Variants in GPD2 observed in about 807,000 individuals in gnomAD.
The protein encoded by GPD2 is glycerol-3-phosphate dehydrogenase, mitochondrial.
Under a neutral mutation model 82.4 loss-of-function variants are expected in GPD2, and 54 were observed. The observed-to-expected ratio is 0.66, with a 90% CI of 0.53 to 0.82. The LOEUF (loss-of-function observed/expected upper bound fraction) is 0.82, where lower values mean the gene tolerates loss of function less well. Ranked by LOEUF, GPD2 falls within the 40% of genes least tolerant of loss-of-function variation. The pLI is 0.00. For missense variants in GPD2, 748 were observed against 896.2 expected (o/e 0.83, Z 2.11); for synonymous variants, 288 against 306.1 (o/e 0.94, Z 0.62).
At chr2:156,543,197 A>G (rs1416850163) in intron 6 of GPD2, among the ~76,000 whole-genome samples, 5 of 152,164 alleles carry the variant, frequency 3.3e-5, no homozygotes, top group Admixed American at 3.3e-4. Context: ...GTAGAGAGAT[A>G]ATAGTCCCCC....
chr2:156,575,939 A>G (rs988987646), intron 13 of GPD2, among the ~76,000 whole-genome samples: 1 of 152,352 alleles, frequency 6.6e-6, no homozygotes, highest in East Asian at 1.9e-4. Context: ...GATGGCATGC[A>G]TCTTTGATGT....
In GPD2 at chr2:156,529,007, C is replaced by G. The variant is rs992428037; in HGVS notation, c.661+15511C>G. Among the ~76,000 whole-genome samples, 44 of 151,566 alleles carry G rather than the reference C, an allele frequency of 2.9e-4. 1 individual carries two copies. Among genetic ancestry groups the G allele is most frequent in the Admixed American group, 8.5e-4 (13 of 15,210 alleles). ...TTCTAGTTCTAGATCCCTGAGGAATCGCCACACTGACTTCCACAATGGTTG... is the reference window on the plus strand; with the variant it reads ...TTCTAGTTCTAGATCCCTGAGGAATGGCCACACTGACTTCCACAATGGTTG... On this transcript the variant is annotated intron_variant, in intron 6 of 16. Transcript: ENST00000438166.
chr2:156,442,791 C>G (rs565394429), intron 1 of GPD2, among the ~76,000 whole-genome samples: 1 of 151,966 alleles, frequency 6.6e-6, no homozygotes, highest in Admixed American at 6.6e-5. Flanking sequence ...AGAGCAAGAC[C>G]CTGTCTCAAA....
chr2:156,439,865 T>TAAATAAAA, intron 1 of GPD2, among the ~76,000 whole-genome samples: 1 of 151,408 alleles, frequency 6.6e-6, no homozygotes, highest in African/African-American at 2.4e-5. Flanking sequence ...AATAAATAAA[T>TAAATAAAA]AAATAAATAA....
In GPD2 at chr2:156,585,434, G is replaced by A. The variant is rs1179967992; in HGVS notation, c.*2516G>A. 1 of 152,324 alleles carries A rather than the reference G, an allele frequency of 6.6e-6. No individual in the cohort carries two copies. Among genetic ancestry groups the A allele is most frequent in the Non-Finnish European group, 1.5e-5 (1 of 67,920 alleles). 9.4% of individuals were successfully genotyped at this position (152,324 alleles called of 1,614,324 possible). A position where few individuals can be genotyped will look rare whatever the true frequency, so the allele number is the denominator to read the frequency against. ...AACCCCCATCTGTGCTGGAGAGTTG[G>A]ATACTCCTTTAAATAGCCCCCACCA... On this transcript the variant is annotated 3_prime_UTR_variant, in exon 17 of 17. Transcript: ENST00000438166.
At chr2:156,437,527 C>T (rs298304) in intron 1 of GPD2, among the ~76,000 whole-genome samples, 48,602 of 152,052 alleles carry the variant, frequency 0.32, 9,206 homozygotes, top group Middle Eastern at 0.44. Flanking sequence ...GATGTTGAAA[C>T]CCCCCTCTGT....
intron 1 of GPD2, among the ~76,000 whole-genome samples, chr2:156,473,917 C>T (rs1558916046): frequency 6.6e-6 from 1 of 150,950 alleles, no homozygotes; most frequent in Non-Finnish European, 1.5e-5. Context: ...CAGCATACAC[C>T]AACTTTCCTG....
At chr2:156,412,234 G>C in the GPD2 span, among the ~76,000 whole-genome samples, 2 of 151,994 alleles carry the variant, frequency 1.3e-5, no homozygotes, top group Admixed American at 6.6e-5. Context: ...TCAGGAGTTC[G>C]AGACTAGCCT....
the GPD2 span, among the ~76,000 whole-genome samples, chr2:156,417,952 C>G: frequency 2.0e-5 from 3 of 152,178 alleles, no homozygotes; most frequent in African/African-American, 7.2e-5. Flanking sequence ...TGCCATGGCT[C>G]ACGCCTCTAA....
At chr2:156,456,766 G>C (rs139991048) in intron 1 of GPD2, among the ~76,000 whole-genome samples, 1 of 151,832 alleles carries the variant, frequency 6.6e-6, no homozygotes, top group Non-Finnish European at 1.5e-5. Flanking sequence ...TAGATGGATA[G>C]GGAATGCTGG....
chr2:156,436,166 A>G (rs1688421319), upstream of GPD2, among the ~76,000 whole-genome samples: 1 of 151,730 alleles, frequency 6.6e-6, no homozygotes, highest in Admixed American at 6.5e-5. Flanking sequence ...ACCCCCGCCA[A>G]CCCCGGCCCC....
intron 2 of GPD2, among the ~76,000 whole-genome samples, chr2:156,491,381 C>T (rs1377845116): frequency 6.6e-6 from 1 of 152,210 alleles, no homozygotes; most frequent in Admixed American, 6.5e-5. Context: ...TGGCTATCTT[C>T]CAGTGAAACT....
At chr2:156,551,315 A>G (rs918511605) in intron 8 of GPD2, among the ~76,000 whole-genome samples, 1 of 152,198 alleles carries the variant, frequency 6.6e-6, no homozygotes, top group African/African-American at 2.4e-5. Context: ...TAGCTATTAA[A>G]TGAAAATCAT....
In GPD2 at chr2:156,558,903, A is replaced by G. The variant is rs1229737969; in HGVS notation, c.1165+1321A>G. 2.0e-5 allele frequency among the ~76,000 whole-genome samples: 3 copies of G among 148,096 alleles called. No homozygotes were observed. The Admixed American group carries it at 2.1e-4, about 10-fold the overall frequency. On this transcript the variant is annotated intron_variant, in intron 9 of 16. Coordinates refer to ENST00000438166, the MANE Select transcript of GPD2 (RefSeq NM_000408.5). ...AGTGCTGGGATTACAGGAGTGAGCCACCGTGCCTGGCCGAAACATAAGGCT... is the reference window on the plus strand; with the variant it reads ...AGTGCTGGGATTACAGGAGTGAGCCGCCGTGCCTGGCCGAAACATAAGGCT...
At chr2:156,537,011 A>T (rs1465507503) in intron 6 of GPD2, among the ~76,000 whole-genome samples, 1 of 152,206 alleles carries the variant, frequency 6.6e-6, no homozygotes, top group Non-Finnish European at 1.5e-5. Flanking sequence ...CTAAGCAAAC[A>T]GATATGAGCA....
intron 1 of GPD2, among the ~76,000 whole-genome samples, chr2:156,453,348 T>A (rs1164277358): frequency 2.6e-5 from 4 of 152,016 alleles, no homozygotes; most frequent in Non-Finnish European, 4.4e-5. Flanking sequence ...GTGAAGCAAA[T>A]AGTAGGGTCA....
chr2:156,416,173 CAT>C, the GPD2 span, among the ~76,000 whole-genome samples: 110 of 149,878 alleles, frequency 7.3e-4, no homozygotes, highest in African/African-American at 2.4e-3. Flanking sequence ...GTTGTATATA[CAT>C]ATATATATAT....
Position 156,579,732 on chromosome 2 carries a change from C to G in GPD2, c.2002C>G (p.Leu668Val). Residue 668 changes from leucine to valine, a missense_variant, in exon 16 of 17, where the codon CTA (leucine) becomes GTA (valine). Leu to Val is a conservative substitution (Grantham distance 32). Coordinates refer to ENST00000438166, the MANE Select transcript of GPD2 (RefSeq NM_000408.5). ...QMDENTLHEI[L>V]NEVDLNKNGQ... is the part of the protein sequence containing the mutation. ...GGATGAAAATACACTCCATGAAATT[C>G]TAAATGAAGTTGATTTGAATAAAAA... The G allele has an allele frequency of 6.4e-7, 1 of 1,561,254 alleles. No homozygotes were observed. Among genetic ancestry groups the G allele is most frequent in the Non-Finnish European group, 8.8e-7 (1 of 1,131,946 alleles).
At chr2:156,580,450 A>G (rs1028272095) in intron 16 of GPD2, among the ~76,000 whole-genome samples, 9 of 152,226 alleles carry the variant, frequency 5.9e-5, no homozygotes, top group Non-Finnish European at 1.3e-4. Flanking sequence ...CGTTTCTTAA[A>G]AGAAATTTCA....
Sources: gnomAD v4.1 joint callset for allele counts (sites outside exome capture counted in the v4.1 genomes callset) on GRCh38, gnomAD v4.1.1 for gene constraint, MANE v1.5 for transcripts, NCBI Gene and HGNC (gene_info 2026-07-23, HGNC 2026-07-21) for gene names.